NCAM1: variants seen among roughly 807,000 people sequenced by gnomAD.
The protein encoded by NCAM1 is antigen recognized by monoclonal antibody 5.1H11.
NCAM1 carries 14 observed loss-of-function variants against 109.8 expected under a neutral mutation model. The ratio of observed to expected loss-of-function variants is 0.13; its 90% confidence interval spans 0.08 to 0.20. The LOEUF (loss-of-function observed/expected upper bound fraction) is 0.20. Ranked by LOEUF, NCAM1 falls within the 10% of genes least tolerant of loss-of-function variation. The pLI is 1.00. For synonymous variants in NCAM1, 418 were observed against 442.9 expected (o/e 0.94, Z 0.70); for missense variants, 774 against 1,109.9 (o/e 0.70, Z 4.30).
At chr11:113,246,654 T>G (rs1555120294) in intron 15 of NCAM1, among the ~76,000 whole-genome samples, 1 of 152,214 alleles carries the variant, frequency 6.6e-6, no homozygotes, top group East Asian at 1.9e-4. Context: ...AAACTTGAAT[T>G]TTTACCAGAT....
intron 14 of NCAM1, among the ~76,000 whole-genome samples, chr11:113,241,147 C>T (rs1428034257): frequency 2.6e-5 from 4 of 152,136 alleles, no homozygotes; most frequent in African/African-American, 7.2e-5. Flanking sequence ...GATCAAAGCT[C>T]GTATTTGGAG....
chr11:113,248,870 C>T (rs900095998), intron 15 of NCAM1, among the ~76,000 whole-genome samples: 2 of 152,176 alleles, frequency 1.3e-5, no homozygotes, highest in Non-Finnish European at 2.9e-5. Context: ...GCTTAGACAC[C>T]TGTCCCAGAA....
At chr11:113,068,910 G>A (rs12273049) in intron 1 of NCAM1, among the ~76,000 whole-genome samples, 3,510 of 152,272 alleles carry the variant, frequency 0.023, 111 homozygotes, top group African/African-American at 0.074. Flanking sequence ...CTCACCAATG[G>A]AGAGAAGGGG....
At chr11:112,989,511 A>C (rs1053943291) in intron 1 of NCAM1, among the ~76,000 whole-genome samples, 24 of 152,098 alleles carry the variant, frequency 1.6e-4, no homozygotes, top group African/African-American at 5.5e-4. Context: ...TTGTTCATGC[A>C]TTGTCTTCCT....
At chr11:113,270,468 C>CTGATGGCGCAGGGTGGTG in intron 18 of NCAM1, 73 bp downstream of exon 18, 1 of 1,403,190 alleles carries the variant, frequency 7.1e-7, no homozygotes, top group Non-Finnish European at 1.0e-6. Context: ...GCTGCACCAC[C>CTGATGGCGCAGGGTGGTG]CTGCGCCATC....
chr11:113,009,665 C>T (rs1403836614), intron 1 of NCAM1, among the ~76,000 whole-genome samples: 4 of 152,102 alleles, frequency 2.6e-5, no homozygotes, highest in African/African-American at 9.7e-5. Context: ...CATCTCTAAA[C>T]TCCACTCACA....
chr11:113,216,209 C>T (rs911601545), intron 8 of NCAM1, among the ~76,000 whole-genome samples: 1 of 135,018 alleles, frequency 7.4e-6, no homozygotes, highest in Admixed American at 8.6e-5. Context: ...AGTGCAGTGG[C>T]GCGATCTCGG....
intron 15 of NCAM1, among the ~76,000 whole-genome samples, chr11:113,249,580 C>T (rs1307688462): frequency 3.3e-5 from 5 of 152,148 alleles, no homozygotes; most frequent in African/African-American, 9.7e-5. Flanking sequence ...AAGATGGGCA[C>T]GAGCCCCCTT....
chr11:113,074,194 A>G (rs1938423006), intron 1 of NCAM1, among the ~76,000 whole-genome samples: 1 of 152,194 alleles, frequency 6.6e-6, no homozygotes, highest in Admixed American at 6.5e-5. Flanking sequence ...ACTCCTAAAT[A>G]TGAGGGCATG....
chr11:113,240,704 G>A (rs782789688), intron 14 of NCAM1: 1 of 1,318,544 alleles, frequency 7.6e-7, no homozygotes, highest in Non-Finnish European at 1.1e-6. Context: ...ATGCCCCAGG[G>A]TTGTTGCTTC....
intron 1 of NCAM1, among the ~76,000 whole-genome samples, chr11:113,186,864 T>A (rs1467291764): frequency 6.6e-6 from 1 of 152,230 alleles, no homozygotes; most frequent in Admixed American, 6.5e-5. Context: ...AGCTGGTGTT[T>A]CTGGAAGGCT....
chr11:113,104,157 T>G (rs1328862274), intron 1 of NCAM1, among the ~76,000 whole-genome samples: 4 of 139,048 alleles, frequency 2.9e-5, no homozygotes, highest in Non-Finnish European at 6.1e-5. Flanking sequence ...TGACTAGTTT[T>G]CGTTTTGTTC....
intron 1 of NCAM1, among the ~76,000 whole-genome samples, chr11:112,994,498 A>G (rs574093795): frequency 3.9e-5 from 6 of 152,352 alleles, no homozygotes; most frequent in African/African-American, 1.4e-4. Context: ...GCTCTTTTCA[A>G]TGAGAAGACT....
At chr11:113,148,183 C>A (rs1942088522) in intron 1 of NCAM1, among the ~76,000 whole-genome samples, 1 of 152,262 alleles carries the variant, frequency 6.6e-6, no homozygotes. Flanking sequence ...GTCATCTGGA[C>A]TGGGGCAGTT....
intron 1 of NCAM1, among the ~76,000 whole-genome samples, chr11:113,042,493 C>T (rs1040484450): frequency 6.6e-6 from 1 of 152,168 alleles, no homozygotes; most frequent in Non-Finnish European, 1.5e-5. Context: ...TCCCAGTCCC[C>T]GAATGCAGGT....
intron 3 of NCAM1, among the ~76,000 whole-genome samples, chr11:113,205,126 G>A (rs1292715648): frequency 2.6e-5 from 4 of 152,200 alleles, no homozygotes; most frequent in African/African-American, 9.6e-5. Flanking sequence ...GGGAGTAGCA[G>A]TTCGAGTGGG....
At chr11:112,978,792 C>T (rs1591208121) in intron 1 of NCAM1, among the ~76,000 whole-genome samples, 4 of 151,744 alleles carry the variant, frequency 2.6e-5, no homozygotes, top group African/African-American at 9.7e-5. Flanking sequence ...GGAAAATACG[C>T]CATTGTCTGT....
At chr11:113,207,032 C>T (rs1360197639) in intron 5 of NCAM1, among the ~76,000 whole-genome samples, 3 of 152,190 alleles carry the variant, frequency 2.0e-5, no homozygotes, top group Non-Finnish European at 4.4e-5. Context: ...ATTACTATAG[C>T]TTCTCAATTA....
intron 1 of NCAM1, among the ~76,000 whole-genome samples, chr11:112,972,936 A>G (rs919581048): frequency 7.9e-5 from 12 of 152,158 alleles, no homozygotes; most frequent in African/African-American, 2.9e-4. Flanking sequence ...CACCACGGAA[A>G]AGAGCCAGAG....
Sources: allele counts gnomAD v4.1 joint callset (sites outside exome capture counted in the v4.1 genomes callset), GRCh38; gene constraint gnomAD v4.1.1; transcripts MANE v1.5; gene names NCBI Gene and HGNC (gene_info 2026-07-23, HGNC 2026-07-21).